CNTNAP5: variants seen among roughly 807,000 people sequenced by gnomAD.
The protein encoded by CNTNAP5 is contactin-associated protein-like 5.
CNTNAP5 carries 72 observed loss-of-function variants against 150.2 expected under a neutral mutation model. The observed-to-expected ratio is 0.48, with a 90% CI of 0.40 to 0.58. The LOEUF (loss-of-function observed/expected upper bound fraction) is 0.58. Among genes scored for constraint, CNTNAP5 ranks in the 20% least tolerant of loss-of-function variants. CNTNAP5 has a pLI of 0.00. For synonymous variants in CNTNAP5, 672 were observed against 619.8 expected (o/e 1.08, Z -1.25); for missense variants, 1,636 against 1,626.2 (o/e 1.01, Z -0.10).
intron 3 of CNTNAP5, among the ~76,000 whole-genome samples, chr2:124,312,632 ACT>A (rs1688859973): frequency 6.6e-6 from 1 of 152,076 alleles, no homozygotes; most frequent in African/African-American, 2.4e-5. Flanking sequence ...CTGCAGTGGC[ACT>A]ACCTCGGCTC....
At chr2:124,284,141 G>A (rs1265435853) in intron 3 of CNTNAP5, among the ~76,000 whole-genome samples, 1 of 152,184 alleles carries the variant, frequency 6.6e-6, no homozygotes, top group Non-Finnish European at 1.5e-5. Context: ...AGGCCTACAA[G>A]AGTAAGCCAA....
chr2:124,557,704 A>G (rs547865054), intron 10 of CNTNAP5, among the ~76,000 whole-genome samples: 1 of 152,324 alleles, frequency 6.6e-6, no homozygotes, highest in East Asian at 1.9e-4. Flanking sequence ...ATAAAATGGC[A>G]GGAAAAGAGA....
At chr2:124,426,558 T>C (rs1692242427) in intron 4 of CNTNAP5, among the ~76,000 whole-genome samples, 1 of 152,232 alleles carries the variant, frequency 6.6e-6, no homozygotes. Flanking sequence ...CAAGTGGGAC[T>C]GATTGTCTCA....
At chr2:124,579,475 G>A (rs948509821) in intron 11 of CNTNAP5, among the ~76,000 whole-genome samples, 6 of 152,306 alleles carry the variant, frequency 3.9e-5, no homozygotes, top group African/African-American at 7.2e-5. Context: ...GGAGATTAAC[G>A]TAGAGACTGC....
intron 8 of CNTNAP5, among the ~76,000 whole-genome samples, chr2:124,510,135 G>C (rs1694523559): frequency 6.6e-6 from 1 of 151,544 alleles, no homozygotes; most frequent in South Asian, 2.1e-4. Flanking sequence ...TTGAACCCAG[G>C]AGGCAGAGAC....
At chr2:124,394,163 G>A (rs1385492453) in intron 3 of CNTNAP5, among the ~76,000 whole-genome samples, 9 of 152,016 alleles carry the variant, frequency 5.9e-5, no homozygotes, top group Non-Finnish European at 1.2e-4. Context: ...CCTGAGGTCA[G>A]GAGTTCAAGA....
intron 3 of CNTNAP5, among the ~76,000 whole-genome samples, chr2:124,413,200 A>C (rs1691821897): frequency 7.0e-6 from 1 of 142,216 alleles, no homozygotes. Flanking sequence ...CACACCAGTT[A>C]GAATGGCGTT....
intron 10 of CNTNAP5, among the ~76,000 whole-genome samples, chr2:124,542,336 G>A (rs1695406660): frequency 1.3e-5 from 2 of 150,538 alleles, no homozygotes; most frequent in South Asian, 4.3e-4. Flanking sequence ...CCTTAAAGAA[G>A]CTCAAGAGCA....
intron 1 of CNTNAP5, among the ~76,000 whole-genome samples, chr2:124,129,438 C>A (rs1683793777): frequency 6.6e-6 from 1 of 152,054 alleles, no homozygotes; most frequent in Non-Finnish European, 1.5e-5. Flanking sequence ...CTTCTCTTTC[C>A]CAGGCATCCT....
At chr2:124,097,616 T>C (rs1238584757) in intron 1 of CNTNAP5, among the ~76,000 whole-genome samples, 4 of 152,132 alleles carry the variant, frequency 2.6e-5, no homozygotes, top group Non-Finnish European at 4.4e-5. Flanking sequence ...CTTTGTCCAT[T>C]GTTTCCCTAT....
chr2:124,412,482 C>T lies in CNTNAP5; in HGVS notation c.382-4961C>T, dbSNP rs960267927. 2.3e-3 allele frequency among the ~76,000 whole-genome samples: 351 copies of T among 151,410 alleles called. 4 individuals are homozygous for T. The highest frequency in any genetic ancestry group is 7.6e-3 in the African/African-American group (315 of 41,318). On this transcript the variant is annotated intron_variant, in intron 3 of 23. Coordinates refer to ENST00000682447, the MANE Select transcript of CNTNAP5 (RefSeq NM_001367498.1). The stretch of plus-strand genomic sequence containing the variant: ...TCACACTACCTGACTTCAAACTATA[C>T]TACAAGGCTACAGTAACCAAAATAG...
At chr2:124,227,640 A>ATTTGTG (rs374775295) in intron 2 of CNTNAP5, among the ~76,000 whole-genome samples, 4 of 143,322 alleles carry the variant, frequency 2.8e-5, no homozygotes, top group Non-Finnish European at 6.0e-5. Context: ...CATCGTGTGT[A>ATTTGTG]TGTGTGTGTG....
intron 3 of CNTNAP5, among the ~76,000 whole-genome samples, chr2:124,298,423 G>A (rs888005109): frequency 1.3e-5 from 2 of 152,146 alleles, no homozygotes; most frequent in South Asian, 2.1e-4. Flanking sequence ...TCAAAATTAC[G>A]AAGTTTTCCA....
At chr2:124,763,356 T>C (rs1680998789) in intron 14 of CNTNAP5, among the ~76,000 whole-genome samples, 1 of 152,152 alleles carries the variant, frequency 6.6e-6, no homozygotes, top group Non-Finnish European at 1.5e-5. Context: ...TGAGGTTTAA[T>C]GTCACATTAG....
At chr2:124,588,585 C>T (rs77251756) in intron 11 of CNTNAP5, among the ~76,000 whole-genome samples, 1 of 151,878 alleles carries the variant, frequency 6.6e-6, no homozygotes, top group African/African-American at 2.4e-5. Context: ...ATTACTGGGA[C>T]AGTTTATATT....
At chr2:124,112,275 C>A (rs1367824266) in intron 1 of CNTNAP5, among the ~76,000 whole-genome samples, 1 of 152,150 alleles carries the variant, frequency 6.6e-6, no homozygotes, top group Non-Finnish European at 1.5e-5. Flanking sequence ...CCTCAGGTTC[C>A]CCCTGAGTTG....
At chr2:124,908,261 C>G (rs1220917303) in intron 22 of CNTNAP5, among the ~76,000 whole-genome samples, 2 of 152,054 alleles carry the variant, frequency 1.3e-5, no homozygotes, top group Non-Finnish European at 2.9e-5. Context: ...ATCCCAGCTA[C>G]TCAGGAAGCT....
intron 11 of CNTNAP5, among the ~76,000 whole-genome samples, chr2:124,572,753 G>C (rs1251684627): frequency 1.3e-5 from 2 of 152,130 alleles, no homozygotes; most frequent in Non-Finnish European, 2.9e-5. Context: ...GACTCCGGCG[G>C]CTCTTCAAAC....
chr2:124,100,004 A>G (rs1338692304), intron 1 of CNTNAP5, among the ~76,000 whole-genome samples: 3 of 152,190 alleles, frequency 2.0e-5, no homozygotes, highest in Non-Finnish European at 4.4e-5. Flanking sequence ...TCACTGTATT[A>G]GGTCATTTTT....
Sources: allele counts gnomAD v4.1 joint callset (sites outside exome capture counted in the v4.1 genomes callset), GRCh38; gene constraint gnomAD v4.1.1; transcripts MANE v1.5; gene names NCBI Gene and HGNC (gene_info 2026-07-23, HGNC 2026-07-21).